The following BORCS5 variants were observed in gnomAD, a reference collection of about 807,000 sequenced individuals.
BORCS5 encodes the protein BLOC-1-related complex subunit 5.
A neutral mutation model predicts 22.1 loss-of-function variants in BORCS5; 17 were observed. The observed-to-expected ratio is 0.77, with a 90% CI of 0.53 to 1.15. The LOEUF (loss-of-function observed/expected upper bound fraction) is 1.15, where lower values mean the gene tolerates loss of function less well. Ranked by LOEUF, BORCS5 falls within the 50% of genes most tolerant of loss-of-function variation. The pLI, the probability that BORCS5 is intolerant of heterozygous loss-of-function variation, is 0.00. For synonymous variants in BORCS5, 117 were observed against 99.8 expected (o/e 1.17, Z -1.03); for missense variants, 247 against 253.2 (o/e 0.98, Z 0.17).
intron 2 of BORCS5, among the ~76,000 whole-genome samples, chr12:12,430,151 A>ATTTTTTTTTTTTTTTTTTTTTTT (rs71061068): frequency 9.3e-6 from 1 of 107,748 alleles, no homozygotes; most frequent in Non-Finnish European, 1.8e-5. Context: ...CTTAGAGAAA[A>ATTTTTTTTTTTTTTTTTTTTTTT]TTTTTTTTTT....
intron 2 of BORCS5, among the ~76,000 whole-genome samples, chr12:12,406,570 T>A (rs1941600234): frequency 1.3e-5 from 2 of 152,320 alleles, no homozygotes; most frequent in South Asian, 4.1e-4. Context: ...TTTTCTGATA[T>A]TTTATTTATT....
At chr12:12,438,373 A>AAAAAAAAAAAAAC (rs1565915580) in intron 3 of BORCS5, among the ~76,000 whole-genome samples, 1 of 129,620 alleles carries the variant, frequency 7.7e-6, no homozygotes, top group Non-Finnish European at 1.6e-5. Context: ...AAAAAAAAAA[A>AAAAAAAAAAAAAC]AAAAAAACGA....
At chr12:12,453,557 T>C (rs1275456048) in intron 3 of BORCS5, among the ~76,000 whole-genome samples, 1 of 152,198 alleles carries the variant, frequency 6.6e-6, no homozygotes, top group African/African-American at 2.4e-5. Flanking sequence ...TGGGGTTCAG[T>C]GTCAGGAAGG....
At chr12:12,403,176 G>T (rs1941515807) in intron 2 of BORCS5, among the ~76,000 whole-genome samples, 1 of 152,132 alleles carries the variant, frequency 6.6e-6, no homozygotes, top group Admixed American at 6.5e-5. Flanking sequence ...GGCTCAGAGA[G>T]ATGAAAGACC....
intron 3 of BORCS5, among the ~76,000 whole-genome samples, chr12:12,445,524 A>ATTTTTTT (rs1942768803): frequency 8.4e-6 from 1 of 118,774 alleles, no homozygotes; most frequent in Non-Finnish European, 1.8e-5. Context: ...TTCAATTTGA[A>ATTTTTTT]ATACCTTTTT....
At chr12:12,402,213 G>A (rs1163049886) in intron 2 of BORCS5, among the ~76,000 whole-genome samples, 3 of 152,122 alleles carry the variant, frequency 2.0e-5, no homozygotes, top group South Asian at 2.1e-4. Context: ...TTTCATCTGA[G>A]TTTGTTTCTT....
intron 2 of BORCS5, among the ~76,000 whole-genome samples, chr12:12,376,349 T>C (rs1160147983): frequency 5.3e-5 from 8 of 151,522 alleles, no homozygotes; most frequent in East Asian, 1.9e-4. Context: ...TTCTCCTGCC[T>C]CAGCCTCCTG....
At chr12:12,437,875 A>G (rs1056862471) in intron 3 of BORCS5, among the ~76,000 whole-genome samples, 4 of 152,172 alleles carry the variant, frequency 2.6e-5, no homozygotes, top group South Asian at 2.1e-4. Flanking sequence ...CGATTCTCCA[A>G]CCTCAGCTTC....
intron 2 of BORCS5, among the ~76,000 whole-genome samples, chr12:12,379,544 C>G (rs930538426): frequency 6.6e-6 from 1 of 151,444 alleles, no homozygotes; most frequent in East Asian, 1.9e-4. Flanking sequence ...ACTGAGAGGT[C>G]GGATGTCAAC....
Position 12,374,018 on chromosome 12 carries a change from C to T in BORCS5, c.202+12669C>T, listed in dbSNP as rs375755108. On this transcript the variant is annotated intron_variant, in intron 2 of 3. Transcript: ENST00000314565. ...TTTTTTTTTTTTTGAGACGGAGTCT[C>T]GCTCTGTCGCCCAGGCTTGAGTGCA... is the stretch of plus-strand genomic sequence containing the variant. Among the ~76,000 whole-genome samples, 8 of 128,168 alleles carry T rather than the reference C, an allele frequency of 6.2e-5. No individual in the cohort carries two copies. In the East Asian group the frequency reaches 8.9e-4, roughly 14 times the overall value. The allele number at this position is 128,168 out of a possible 152,430, so 84.1% of individuals were successfully genotyped here. A position where few individuals can be genotyped will look rare whatever the true frequency, so the allele number is the denominator to read the frequency against.
At chr12:12,389,766 C>T (rs1166857197) in intron 2 of BORCS5, among the ~76,000 whole-genome samples, 1 of 152,114 alleles carries the variant, frequency 6.6e-6, no homozygotes, top group Non-Finnish European at 1.5e-5. Flanking sequence ...GCCACAGTCA[C>T]CCGAGTAGCA....
chr12:12,452,224 C>T, intron 3 of BORCS5: 1 of 669,618 alleles, frequency 1.5e-6, no homozygotes, highest in Non-Finnish European at 2.7e-6. Context: ...GCTGAAGCTC[C>T]CCCTCAGCCA....
In BORCS5 at chr12:12,361,356, G is replaced by T. The variant is rs745945846; in HGVS notation, c.202+7G>T. The T allele has an allele frequency of 6.2e-7, 1 of 1,612,290 alleles. No individual in the cohort carries two copies. Among genetic ancestry groups the T allele is most frequent in the Non-Finnish European group, 8.5e-7 (1 of 1,178,456 alleles). The stretch of plus-strand genomic sequence containing the variant: ...TTCCAGCCCCTTTTGAAAGGTAAAG[G>T]ATTGCGTTTTGTTTTATCTGAACTT... On this transcript the variant is annotated splice_region_variant and intron_variant, in intron 2 of 3. Transcript: ENST00000314565.
At chr12:12,454,260 C>T (rs982095358) in intron 3 of BORCS5, among the ~76,000 whole-genome samples, 1 of 152,208 alleles carries the variant, frequency 6.6e-6, no homozygotes, top group African/African-American at 2.4e-5. Flanking sequence ...GGCCAAACTG[C>T]TCTTCAAAAT....
chr12:12,410,181 G>A (rs1164201262), intron 2 of BORCS5, among the ~76,000 whole-genome samples: 1 of 152,174 alleles, frequency 6.6e-6, no homozygotes, highest in African/African-American at 2.4e-5. Context: ...TAGGTTGCCT[G>A]TTCACTCTGA....
At chr12:12,444,277 T>C (rs80044270) in intron 3 of BORCS5, among the ~76,000 whole-genome samples, 10,816 of 152,304 alleles carry the variant, frequency 0.071, 568 homozygotes, top group East Asian at 0.23. Context: ...AGATGTGTAA[T>C]GGATCAAATG....
intron 2 of BORCS5, among the ~76,000 whole-genome samples, chr12:12,405,716 G>A (rs999911046): frequency 6.6e-6 from 1 of 152,092 alleles, no homozygotes; most frequent in Non-Finnish European, 1.5e-5. Context: ...TAATAATGTT[G>A]TTTATTGTTT....
intron 2 of BORCS5, among the ~76,000 whole-genome samples, chr12:12,393,633 C>A (rs1941256335): frequency 6.7e-6 from 1 of 149,282 alleles, no homozygotes; most frequent in Non-Finnish European, 1.5e-5. Context: ...GATTCTCGTG[C>A]CTCAACCTCC....
At chr12:12,376,998 G>A (rs1294973288) in intron 2 of BORCS5, among the ~76,000 whole-genome samples, 1 of 152,180 alleles carries the variant, frequency 6.6e-6, no homozygotes, top group African/African-American at 2.4e-5. Flanking sequence ...TGACACGTTA[G>A]TAATCTAGAA....
Sources: gnomAD v4.1 joint callset for allele counts (sites outside exome capture counted in the v4.1 genomes callset) on GRCh38, gnomAD v4.1.1 for gene constraint, MANE v1.5 for transcripts, NCBI Gene and HGNC (gene_info 2026-07-23, HGNC 2026-07-21) for gene names.